Variants in SUPT16H observed in about 807,000 individuals in gnomAD.
SUPT16H encodes the protein SPT16 homolog, facilitates chromatin remodeling subunit.
Under a neutral mutation model 136.2 loss-of-function variants are expected in SUPT16H, and 24 were observed. That is an observed-to-expected ratio of 0.18 (90% CI 0.13 to 0.25). The LOEUF is 0.25. Ranked by LOEUF, SUPT16H falls within the 10% of genes least tolerant of loss-of-function variation. SUPT16H has a pLI of 1.00. For missense variants in SUPT16H, 623 were observed against 1,270.2 expected (o/e 0.49, Z 7.74); for synonymous variants, 415 against 428.2 (o/e 0.97, Z 0.38).
intron 8 of SUPT16H, 56 bp downstream of exon 8, chr14:21,366,376 GACTGACC>G: frequency 6.8e-7 from 1 of 1,476,854 alleles, no homozygotes; most frequent in Non-Finnish European, 9.4e-7. Flanking sequence ...AAAGAAATAA[GACTGACC>G]ACTGACAGTC....
intron 7 of SUPT16H, 31 bp from the exon 8 acceptor site, chr14:21,366,560 G>C (rs752488804): frequency 6.3e-7 from 1 of 1,584,018 alleles, no homozygotes; most frequent in South Asian, 1.1e-5. Context: ...AGATATTAAA[G>C]TATCTTTTAG....
intron 4 of SUPT16H, 117 bp from the exon 5 acceptor site, chr14:21,370,013 TTTGCAG>T: frequency 2.5e-6 from 3 of 1,222,042 alleles, no homozygotes; most frequent in Non-Finnish European, 3.4e-6. Flanking sequence ...CTATCACTGG[TTTGCAG>T]AATATTCAAA....
At chr14:21,383,533 G>A (rs1209857230) in intron 1 of SUPT16H, 10 of 660,796 alleles carry the variant, frequency 1.5e-5, no homozygotes, top group South Asian at 1.5e-4. Context: ...ACACGGCAGG[G>A]GAGGGCAGCA....
At chr14:21,357,035 C>T (rs1004257995) in intron 22 of SUPT16H, among the ~76,000 whole-genome samples, 162 bp downstream of exon 22, 2 of 152,170 alleles carry the variant, frequency 1.3e-5, no homozygotes, top group Admixed American at 6.5e-5. Context: ...TGAACAGCTC[C>T]GTTATCTAAT....
intron 1 of SUPT16H, among the ~76,000 whole-genome samples, chr14:21,379,581 A>G (rs1886976494): frequency 6.6e-6 from 1 of 151,816 alleles, no homozygotes; most frequent in African/African-American, 2.4e-5. Flanking sequence ...GGCCAGGTGC[A>G]GTGACTTACA....
At position 21,359,378 on chromosome 14, in the gene SUPT16H, G is replaced by A. The variant is rs773156155; in HGVS notation, c.2301+106C>T. The A allele has an allele frequency of 2.2e-5, 32 of 1,485,450 alleles. No individual in the cohort carries two copies. The Middle Eastern group carries it at 7.5e-4, about 35-fold the overall frequency. The allele number at this position is 1,485,450 out of a possible 1,614,324, so 92.0% of individuals were successfully genotyped here. On this transcript the variant is annotated intron_variant, in intron 19 of 25. Transcript: ENST00000216297. The stretch of plus-strand genomic sequence containing the variant: ...CCCAAAGTGCTGGGATTACAGGCGC[G>A]AGTCACCACGCCAGCCCAGTTTGTT...
rs766384670 is a variant in SUPT16H at position 21,363,081 on chromosome 14, T to G, written c.1464A>C (p.Glu488Asp). The change falls in exon 13 of 26, where the codon GAA becomes GAC. Residue 488 changes from glutamate (E) to aspartate (D), a missense_variant. This residue lies in a region of SUPT16H where 30 missense variants were observed against 44.8 expected (regional missense o/e 0.67). Coordinates refer to ENST00000216297, the MANE Select transcript of SUPT16H (RefSeq NM_007192.4). The part of the protein sequence containing the change: ...QKELAAQLNE[E>D]AKRRLTEQKG... ...TTTGTTCAGTCAATCGCCTCTTTGC[T>G]TCTTCATTGAGTTGAGCCGCTAGTT... is the stretch of plus-strand genomic sequence containing the variant. 3.1e-6 allele frequency: 5 copies of G among 1,613,846 alleles called. No homozygotes were observed. The Admixed American group carries it at 5.0e-5, about 16-fold the overall frequency.
In SUPT16H at chr14:21,383,979, C is replaced by A. The variant is rs772430339; in HGVS notation, c.-52G>T. 7 of 1,605,816 alleles carry A rather than the reference C, an allele frequency of 4.4e-6. No individual in the cohort carries two copies. In the South Asian group the frequency reaches 4.4e-5, roughly 10 times the overall value. On this transcript the variant is annotated 5_prime_UTR_variant, in exon 1 of 26. Transcript: ENST00000216297. ...TTCCGAGAATCACGCGAGGTCCCGGCTCAGCCACCCGCTCTCGGCCCAGGA... is the reference window on the plus strand; with the variant it reads ...TTCCGAGAATCACGCGAGGTCCCGGATCAGCCACCCGCTCTCGGCCCAGGA...
At chr14:21,364,418 G>A (rs2139404519) in intron 10 of SUPT16H, among the ~76,000 whole-genome samples, 1 of 152,314 alleles carries the variant, frequency 6.6e-6, no homozygotes, top group Middle Eastern at 3.4e-3. Context: ...CTTTCCTGAG[G>A]TGATGAAAAT....
chr14:21,357,947 G>A lies in SUPT16H; in HGVS notation c.2470C>T (p.Leu824=). Residue 824 remains leucine, a synonymous_variant, in exon 21 of 26, where the codon CTG becomes TTG. Transcript: ENST00000216297. ...TCLLQPTSSA[L]VNATEWPPFV... ...CTCACCCATTCCGTAGCATTTACCA[G>A]CGCACTACTAGTGGGCTGAAGGAGG... 6.2e-7 allele frequency: 1 copy of A among 1,613,844 alleles called. No individual in the cohort carries two copies. Among genetic ancestry groups the A allele is most frequent in the Non-Finnish European group, 8.5e-7 (1 of 1,179,832 alleles).
At chr14:21,355,529 AAAAAAAAG>A (rs1206027254) in intron 22 of SUPT16H, among the ~76,000 whole-genome samples, 11 of 149,742 alleles carry the variant, frequency 7.3e-5, no homozygotes, top group African/African-American at 2.4e-4. Context: ...AAAAAAAAAA[AAAAAAAAG>A]AAAGAAACAG....
chr14:21,383,657 C>A (rs1301206732), intron 1 of SUPT16H: 1 of 717,208 alleles, frequency 1.4e-6, no homozygotes, highest in Non-Finnish European at 2.6e-6. Context: ...ATGGTGATGG[C>A]CGCAGGACAG....
In SUPT16H at chr14:21,373,400, C is replaced by A; in HGVS notation, c.97G>T (p.Ala33Ser). 1 of 1,614,084 alleles carries A rather than the reference C, an allele frequency of 6.2e-7. No homozygotes were observed. Among genetic ancestry groups the A allele is most frequent in the Non-Finnish European group, 8.5e-7 (1 of 1,179,936 alleles). ...KGEDEYANVDAIVVSVGVDEE... is the reference protein window; with the variant it reads ...KGEDEYANVDSIVVSVGVDEE... ...TCAACACCCACTGATACAACAATGG[C>A]ATCAACGTTGGCATACTCATCTTCT... The change falls in exon 2 of 26, where the codon GCC becomes TCC. Residue 33 changes from alanine to serine, a missense_variant. Ala to Ser is a moderately conservative substitution (Grantham distance 99). Around this residue, in one of 7 missense-constraint regions of SUPT16H, gnomAD observed 343 missense variants for 525.7 expected, o/e 0.65. Transcript: ENST00000216297.
chr14:21,362,377 T>C (rs1886575284), intron 14 of SUPT16H, 53 bp from the exon 15 acceptor site: 3 of 1,566,786 alleles, frequency 1.9e-6, no homozygotes, highest in African/African-American at 1.4e-5. Context: ...TAGAGATTAG[T>C]AGTTACAGAG....
intron 2 of SUPT16H, 133 bp downstream of exon 2, chr14:21,373,205 C>G (rs1399425733): frequency 1.4e-6 from 1 of 719,380 alleles, no homozygotes. Context: ...CTCGGCCTCC[C>G]AAAGTGCTGG....
intron 25 of SUPT16H, 52 bp from the exon 26 acceptor site, chr14:21,352,870 A>G: frequency 6.2e-7 from 1 of 1,608,738 alleles, no homozygotes; most frequent in Non-Finnish European, 8.5e-7. Flanking sequence ...TAGGTACCTA[A>G]TATTACTGGA....
intron 8 of SUPT16H, among the ~76,000 whole-genome samples, chr14:21,365,996 G>A (rs751201414): frequency 3.9e-5 from 6 of 152,114 alleles, no homozygotes; most frequent in Non-Finnish European, 7.4e-5. Context: ...CAGTTATTGG[G>A]GGAGCTGAGA....
In SUPT16H at chr14:21,361,223, A is replaced by G. The variant is rs1886544539; in HGVS notation, c.1794-10T>C. 1.2e-6 allele frequency: 2 copies of G among 1,613,306 alleles called. No individual in the cohort carries two copies. Among genetic ancestry groups the G allele is most frequent in the African/African-American group, 2.7e-5 (2 of 74,794 alleles). The stretch of plus-strand genomic sequence containing the variant: ...TGATGCTCGGTATGTACTGCAGAAA[A>G]GCAACAGCATTTATAGACATTTCTT... On this transcript the variant is annotated splice_polypyrimidine_tract_variant and intron_variant, in intron 15 of 25. Transcript: ENST00000216297.
At chr14:21,359,169 C>T (rs2139399262) in intron 19 of SUPT16H, among the ~76,000 whole-genome samples, 1 of 152,126 alleles carries the variant, frequency 6.6e-6, no homozygotes. Flanking sequence ...GCTATCTCAG[C>T]TCACTGCAAC....
Sources: allele counts gnomAD v4.1 joint callset (sites outside exome capture counted in the v4.1 genomes callset), GRCh38; gene constraint gnomAD v4.1.1; regional missense constraint gnomAD v4.1.1; transcripts MANE v1.5; gene names NCBI Gene and HGNC (gene_info 2026-07-23, HGNC 2026-07-21).